The following OSBPL6 variants were observed in gnomAD, a reference collection of about 807,000 sequenced individuals.
OSBPL6 encodes oxysterol binding protein like 6.
A neutral mutation model predicts 125.8 loss-of-function variants in OSBPL6; 49 were observed. The observed-to-expected ratio is 0.39, with a 90% CI of 0.31 to 0.49. OSBPL6 has a LOEUF of 0.49. Among genes scored for constraint, OSBPL6 ranks in the 20% least tolerant of loss-of-function variants. The probability of loss-of-function intolerance (pLI) is 0.88; values close to 1 mark genes in which losing one functional copy is unlikely to be tolerated. For synonymous variants in OSBPL6, 394 were observed against 391.8 expected (o/e 1.01, Z -0.07); for missense variants, 986 against 1,135.4 (o/e 0.87, Z 1.89).
intron 11 of OSBPL6, chr2:178,344,505 T>C (rs1276593052): frequency 1.4e-6 from 1 of 713,132 alleles, no homozygotes; most frequent in East Asian, 2.7e-5. Flanking sequence ...ACATGTTCTC[T>C]GGCTGTCTTT....
intron 13 of OSBPL6, among the ~76,000 whole-genome samples, chr2:178,367,907 C>T (rs143256754): frequency 3.5e-4 from 54 of 152,234 alleles, no homozygotes; most frequent in African/African-American, 1.2e-3. Context: ...CCACTAATAG[C>T]GATGTTATTG....
In OSBPL6 at chr2:178,397,370, A is replaced by T. The variant is rs1461827173; in HGVS notation, c.*1811A>T. ...CAACAATACCCTCTCTATTCCTCTC[A>T]TTCCCATTTTAAATCCATAGGTGGC... is the stretch of plus-strand genomic sequence containing the variant. On this transcript the variant is annotated 3_prime_UTR_variant, in exon 25 of 25. Transcript: ENST00000190611. The T allele has an allele frequency of 1.3e-5, 2 of 152,180 alleles. No homozygotes were observed. The highest frequency in any genetic ancestry group is 2.9e-5 in the Non-Finnish European group (2 of 68,044). The allele number at this position is 152,180 out of a possible 1,614,324, so 9.4% of individuals were successfully genotyped here. A position where few individuals can be genotyped will look rare whatever the true frequency, so the allele number is the denominator to read the frequency against.
intron 1 of OSBPL6, among the ~76,000 whole-genome samples, chr2:178,216,217 T>C (rs978678230): frequency 2.6e-5 from 4 of 152,182 alleles, no homozygotes; most frequent in Non-Finnish European, 5.9e-5. Context: ...TAGTAGATAT[T>C]GGAAAGGGGG....
intron 1 of OSBPL6, among the ~76,000 whole-genome samples, chr2:178,245,965 C>T (rs2091473422): frequency 6.6e-6 from 1 of 152,112 alleles, no homozygotes; most frequent in South Asian, 2.1e-4. Flanking sequence ...TACACACAGG[C>T]CCTGCACTCC....
At chr2:178,271,247 C>G (rs2092369451) in intron 1 of OSBPL6, among the ~76,000 whole-genome samples, 1 of 152,054 alleles carries the variant, frequency 6.6e-6, no homozygotes, top group Non-Finnish European at 1.5e-5. Context: ...TATTTAAATA[C>G]AGGAAGCTTT....
intron 13 of OSBPL6, among the ~76,000 whole-genome samples, chr2:178,370,254 G>C (rs973038950): frequency 1.2e-4 from 19 of 152,168 alleles, no homozygotes; most frequent in Admixed American, 3.3e-4. Flanking sequence ...GACAGAGCAA[G>C]AGTCTGTCTC....
chr2:178,331,494 T>G (rs1689191172), intron 5 of OSBPL6, 58 bp from the exon 6 acceptor site: 2 of 1,557,484 alleles, frequency 1.3e-6, no homozygotes, highest in Admixed American at 3.3e-5. Context: ...CCCACATTTG[T>G]GAATGTTTTA....
chr2:178,211,686 CT>C (rs2089870039), intron 1 of OSBPL6, among the ~76,000 whole-genome samples: 1 of 152,200 alleles, frequency 6.6e-6, no homozygotes, highest in African/African-American at 2.4e-5. Flanking sequence ...GCTTTTGGAT[CT>C]CTCAGGTGTC....
chr2:178,392,269 T>A (rs1432401373), intron 22 of OSBPL6, 143 bp from the exon 23 acceptor site: 3 of 969,218 alleles, frequency 3.1e-6, no homozygotes, highest in East Asian at 5.0e-5. Context: ...ACCACCAATT[T>A]AATTCACTTG....
At chr2:178,348,079 T>C (rs10497513) in intron 11 of OSBPL6, among the ~76,000 whole-genome samples, 36,629 of 152,100 alleles carry the variant, frequency 0.24, 4,646 homozygotes, top group Admixed American at 0.38. Flanking sequence ...TCTAAATCCT[T>C]GGAGAAAAAG....
intron 3 of OSBPL6, among the ~76,000 whole-genome samples, chr2:178,323,374 C>T (rs1253718116): frequency 6.6e-6 from 1 of 152,026 alleles, no homozygotes; most frequent in Admixed American, 6.5e-5. Flanking sequence ...AGACACCTAC[C>T]GTTTATGGTA....
chr2:178,248,088 T>C (rs971965384), intron 1 of OSBPL6, among the ~76,000 whole-genome samples: 2 of 152,162 alleles, frequency 1.3e-5, no homozygotes, highest in Non-Finnish European at 2.9e-5. Flanking sequence ...AGTTATATTC[T>C]CCCTACTTGT....
intron 1 of OSBPL6, among the ~76,000 whole-genome samples, chr2:178,252,068 G>A (rs1009717675): frequency 6.6e-6 from 1 of 152,180 alleles, no homozygotes; most frequent in Non-Finnish European, 1.5e-5. Flanking sequence ...GGGCTGAGTA[G>A]TAGATTGCTA....
chr2:178,372,833 A>G (rs1377474677), intron 14 of OSBPL6, among the ~76,000 whole-genome samples: 1 of 152,230 alleles, frequency 6.6e-6, no homozygotes, highest in Non-Finnish European at 1.5e-5. Context: ...AGGTGGTATT[A>G]TTATTCCATT....
chr2:178,216,002 C>T (rs1252952338), intron 1 of OSBPL6, among the ~76,000 whole-genome samples: 1 of 152,080 alleles, frequency 6.6e-6, no homozygotes, highest in Non-Finnish European at 1.5e-5. Flanking sequence ...GGGTCTTGAA[C>T]CAAGGGAGAA....
At chr2:178,270,029 T>G (rs1016756761) in intron 1 of OSBPL6, among the ~76,000 whole-genome samples, 2 of 152,162 alleles carry the variant, frequency 1.3e-5, no homozygotes, top group African/African-American at 2.4e-5. Flanking sequence ...TGTTCAGGTA[T>G]GGGTTAGTGG....
chr2:178,218,701 C>T (rs1053531383), intron 1 of OSBPL6, among the ~76,000 whole-genome samples: 1 of 150,078 alleles, frequency 6.7e-6, no homozygotes, highest in Non-Finnish European at 1.5e-5. Flanking sequence ...ACGATCTCTG[C>T]CCCCTGCAAC....
intron 20 of OSBPL6, among the ~76,000 whole-genome samples, chr2:178,387,837 T>C (rs1245999809): frequency 2.0e-5 from 3 of 152,082 alleles, no homozygotes; most frequent in Non-Finnish European, 2.9e-5. Flanking sequence ...ACCCCATCTC[T>C]ACTAAAAATA....
chr2:178,279,949 C>G (rs927949106), intron 1 of OSBPL6, among the ~76,000 whole-genome samples: 1 of 152,214 alleles, frequency 6.6e-6, no homozygotes, highest in South Asian at 2.1e-4. Flanking sequence ...CCTGGAATCC[C>G]AGCACTTTGG....
Sources: allele counts gnomAD v4.1 joint callset (sites outside exome capture counted in the v4.1 genomes callset), GRCh38; gene constraint gnomAD v4.1.1; transcripts MANE v1.5; gene names NCBI Gene and HGNC (gene_info 2026-07-23, HGNC 2026-07-21).